Variants in OTC observed in about 807,000 individuals in gnomAD.
OTC encodes ornithine transcarbamylase.
Under a neutral mutation model 30.3 loss-of-function variants are expected in OTC, and 3 were observed. The observed-to-expected ratio is 0.10, with a 90% CI of 0.05 to 0.26. The LOEUF (loss-of-function observed/expected upper bound fraction) is 0.26, where lower values mean the gene tolerates loss of function less well. Among genes scored for constraint, OTC ranks in the 10% least tolerant of loss-of-function variants. The pLI, the probability that OTC is intolerant of heterozygous loss-of-function variation, is 1.00. For missense variants in OTC, 194 were observed against 260.3 expected, an observed-to-expected ratio of 0.75 and a Z score of 1.75; for synonymous variants, 111 against 99.7, an observed-to-expected ratio of 1.11 and a Z score of -0.67.
chrX:38,410,539 T>C (rs1361671949), intron 8 of OTC, among the ~76,000 whole-genome samples: 2 of 112,505 alleles, frequency 1.8e-5, no homozygotes, highest in Admixed American at 9.4e-5. Context: ...CATCTTTTTA[T>C]GTTTATTGGG....
chrX:38,374,730 G>A (rs758541682), intron 3 of OTC, among the ~76,000 whole-genome samples: 1 of 111,347 alleles, frequency 9.0e-6, no homozygotes, highest in East Asian at 2.8e-4. Context: ...GACCTACCAG[G>A]AGGTCCGAAA....
chrX:38,347,656 C>T (rs2068196564), upstream of OTC, among the ~76,000 whole-genome samples: 2 of 112,166 alleles, frequency 1.8e-5, no homozygotes, highest in South Asian at 7.3e-4. Context: ...CTCAAATTTG[C>T]AGTATTTTTT....
intron 9 of OTC, among the ~76,000 whole-genome samples, chrX:38,412,718 G>A (rs937047583): frequency 4.5e-5 from 5 of 111,959 alleles, no homozygotes; most frequent in Non-Finnish European, 9.4e-5. Flanking sequence ...TACTGTATCA[G>A]CCAGGATCTT....
rs1420318793 is a variant in OTC, at chrX:38,352,689, A to G, written c.-8A>G. The stretch of plus-strand genomic sequence containing the variant: ...GCATAGAATCGTCCTTTACACAATT[A>G]AAAGAAGATGCTGTTTAATCTGAGG... On this transcript the variant is annotated 5_prime_UTR_variant, in exon 1 of 10. Transcript: ENST00000039007. The G allele has an allele frequency of 4.2e-6, 5 of 1,190,241 alleles. No homozygotes were observed. Among genetic ancestry groups the G allele is most frequent in the Non-Finnish European group, 5.7e-6 (5 of 877,197 alleles).
Position 38,411,437 on chromosome X carries a change from G to A in OTC, c.868-425G>A, listed in dbSNP as rs185954324. Among the ~76,000 whole-genome samples the A allele has an allele frequency of 1.3e-3, 139 of 109,451 alleles. No individual in the cohort carries two copies. In the East Asian group the frequency reaches 0.017, roughly 13 times the overall value. On this transcript the variant is annotated intron_variant, in intron 8 of 9. Coordinates refer to ENST00000039007, the MANE Select transcript of OTC (RefSeq NM_000531.6). ...ATCCCAGCACTTTGAGAGGCGAGGC[G>A]GGCGGATCATTTGAGGTCAGGAGTT...
intron 9 of OTC, among the ~76,000 whole-genome samples, chrX:38,417,396 T>TA (rs2068575072): frequency 1.8e-5 from 2 of 111,183 alleles, no homozygotes; most frequent in East Asian, 5.6e-4. Flanking sequence ...AAAATGAGGA[T>TA]AAAAAATAGA....
upstream of OTC, among the ~76,000 whole-genome samples, chrX:38,352,349 G>A (rs1380622951): frequency 1.8e-5 from 2 of 111,806 alleles, no homozygotes; most frequent in African/African-American, 6.5e-5. Flanking sequence ...GTACCGCAGT[G>A]CCTTGCATAT....
At chrX:38,391,996 A>G (rs190431056) in intron 4 of OTC, among the ~76,000 whole-genome samples, 55 of 112,362 alleles carry the variant, frequency 4.9e-4, no homozygotes, top group African/African-American at 1.7e-3. Flanking sequence ...CTCTGGAACC[A>G]TCTTTCCACT....
At chrX:38,338,175 G>A in the OTC span, among the ~76,000 whole-genome samples, 1 of 111,984 alleles carries the variant, frequency 8.9e-6, no homozygotes, top group Non-Finnish European at 1.9e-5. Context: ...CAGCATGCAG[G>A]ATCAAACCAA....
intron 4 of OTC, among the ~76,000 whole-genome samples, chrX:38,394,783 T>G (rs779827071): frequency 9.0e-6 from 1 of 111,217 alleles, no homozygotes; most frequent in African/African-American, 3.3e-5. Context: ...TTCAATTGTT[T>G]AAAAGACCGT....
the OTC span, among the ~76,000 whole-genome samples, chrX:38,338,737 T>C: frequency 8.9e-6 from 1 of 112,342 alleles, no homozygotes; most frequent in Non-Finnish European, 1.9e-5. Flanking sequence ...AGAGAAATAC[T>C]TGGGCAAAGG....
intron 1 of OTC, 34 bp downstream of exon 1, chrX:38,352,807 G>A (rs367761512): frequency 9.5e-5 from 98 of 1,035,565 alleles, no homozygotes; most frequent in South Asian, 3.8e-5. Context: ...GTTTGATTTA[G>A]GAATCATGGT....
chrX:38,353,331 T>C (rs1247797879), intron 1 of OTC, among the ~76,000 whole-genome samples: 1 of 111,841 alleles, frequency 8.9e-6, no homozygotes, highest in Non-Finnish European at 1.9e-5. Context: ...TATAAAAGTT[T>C]ACATCCTGCT....
rs573972305 is a variant in OTC, at chrX:38,407,193, T to G, written c.664-1549T>G. On this transcript the variant is annotated intron_variant, in intron 6 of 9. Transcript: ENST00000039007. Reference sequence around the variant, plus strand: ...GAGATGTCCATTCATCTGTCTGGAGTTGGGCAGAGGAGGGTCAGGTTTTCA... The same window carrying G: ...GAGATGTCCATTCATCTGTCTGGAGGTGGGCAGAGGAGGGTCAGGTTTTCA... Among the ~76,000 whole-genome samples the G allele has an allele frequency of 1.2e-4, 14 of 112,405 alleles. 1 individual carries two copies. The South Asian group carries it at 5.1e-3, about 41-fold the overall frequency.
At chrX:38,361,299 C>A (rs983067389) in intron 1 of OTC, among the ~76,000 whole-genome samples, 1 of 84,578 alleles carries the variant, frequency 1.2e-5, no homozygotes, top group African/African-American at 4.0e-5. Flanking sequence ...AGCGAGACTC[C>A]GTTAAAAAAA....
At chrX:38,379,696 G>A (rs1254755507) in intron 3 of OTC, among the ~76,000 whole-genome samples, 4 of 109,669 alleles carry the variant, frequency 3.6e-5, no homozygotes, top group Non-Finnish European at 5.7e-5. Context: ...GTGCAGTGGC[G>A]CGATCTCACT....
At chrX:38,410,109 A>C (rs2068535689) in intron 8 of OTC, among the ~76,000 whole-genome samples, 1 of 111,667 alleles carries the variant, frequency 9.0e-6, no homozygotes, top group Non-Finnish European at 1.9e-5. Context: ...ACTCATTTAG[A>C]TATTTTTTAT....
chrX:38,338,715 C>T, the OTC span, among the ~76,000 whole-genome samples: 12 of 112,003 alleles, frequency 1.1e-4, no homozygotes, highest in East Asian at 8.3e-4. Flanking sequence ...ATAGAATTTA[C>T]GGAAAGTCTA....
At chrX:38,419,852 G>A (rs1329067807) in intron 9 of OTC, among the ~76,000 whole-genome samples, 1 of 111,221 alleles carries the variant, frequency 9.0e-6, no homozygotes, top group Non-Finnish European at 1.9e-5. Flanking sequence ...ATTACCAGAG[G>A]ATGGGGGATG....
Sources: gnomAD v4.1 joint callset for allele counts (sites outside exome capture counted in the v4.1 genomes callset) on GRCh38, gnomAD v4.1.1 for gene constraint, MANE v1.5 for transcripts, NCBI Gene and HGNC (gene_info 2026-07-23, HGNC 2026-07-21) for gene names.